Variants in AGAP1 observed in about 807,000 individuals in gnomAD.
AGAP1 encodes the protein arf-GAP with GTPase, ANK repeat and PH domain-containing protein 1.
A neutral mutation model predicts 105.3 loss-of-function variants in AGAP1; 29 were observed. The ratio of observed to expected loss-of-function variants is 0.28; its 90% CI spans 0.21 to 0.38. AGAP1 has a LOEUF of 0.38. Among genes scored for constraint, AGAP1 ranks in the 10% least tolerant of loss-of-function variants. The probability of loss-of-function intolerance (pLI) is 1.00; values close to 1 mark genes in which losing one functional copy is unlikely to be tolerated. For synonymous variants in AGAP1, 509 were observed against 485.9 expected (o/e 1.05, Z -0.63); for missense variants, 998 against 1,165.1 (o/e 0.86, Z 2.09).
rs778017372 is a variant in AGAP1 at position 235,719,885 on chromosome 2, A to G, written c.310+2241A>G. Among the ~76,000 whole-genome samples the G allele has an allele frequency of 9.9e-5, 15 of 152,204 alleles. No homozygotes were observed. Among genetic ancestry groups the G allele is most frequent in the Non-Finnish European group, 2.2e-4 (15 of 68,038 alleles). Reference sequence around the variant, plus strand: ...TCTAGGGCCCCTGGGTGCTGAAAGAATTATGAATACATGGCTCCTTGTGCC... The same window carrying G: ...TCTAGGGCCCCTGGGTGCTGAAAGAGTTATGAATACATGGCTCCTTGTGCC... On this transcript the variant is annotated intron_variant, in intron 3 of 17. Transcript: ENST00000304032. The surrounding 1 kb of genome is among the most constrained non-coding windows in gnomAD (Gnocchi z 4.9).
chr2:235,991,384 A>T (rs2055557805), intron 13 of AGAP1, among the ~76,000 whole-genome samples: 1 of 152,182 alleles, frequency 6.6e-6, no homozygotes, highest in African/African-American at 2.4e-5. Flanking sequence ...GGACAGTTTT[A>T]AAAAGTGGTC....
At chr2:235,858,909 A>G (rs2048797103) in intron 9 of AGAP1, among the ~76,000 whole-genome samples, 1 of 152,202 alleles carries the variant, frequency 6.6e-6, no homozygotes, top group Non-Finnish European at 1.5e-5. Flanking sequence ...AGTCTTTTCA[A>G]TTAGTTTTCA....
chr2:235,736,814 C>G lies in AGAP1; in HGVS notation c.311-4149C>G, dbSNP rs1221580927. On this transcript the variant is annotated intron_variant, in intron 3 of 17. Coordinates refer to ENST00000304032, the MANE Select transcript of AGAP1 (RefSeq NM_001037131.3). This position sits in a 1 kb window ranked among gnomAD's most constrained non-coding sequence, Gnocchi z 5.5. Reference sequence around the variant, plus strand: ...CATGTCCGTGCCACCGCACTCCAGCCTAGGCAACAGAGTGAGACTGTGTCT... The same window carrying G: ...CATGTCCGTGCCACCGCACTCCAGCGTAGGCAACAGAGTGAGACTGTGTCT... 6.6e-6 allele frequency among the ~76,000 whole-genome samples: 1 copy of G among 152,068 alleles called. No homozygotes were observed. The highest frequency in any genetic ancestry group is 1.9e-4 in the East Asian group (1 of 5,176).
intron 1 of AGAP1, among the ~76,000 whole-genome samples, chr2:235,695,289 A>G (rs1949944682): frequency 6.6e-6 from 1 of 152,158 alleles, no homozygotes; most frequent in Non-Finnish European, 1.5e-5. Context: ...CCATGAGTGC[A>G]CCTTTATTGC....
At chr2:235,762,719 A>C (rs1954555957) in intron 6 of AGAP1, among the ~76,000 whole-genome samples, 1 of 152,156 alleles carries the variant, frequency 6.6e-6, no homozygotes, top group Non-Finnish European at 1.5e-5. Flanking sequence ...AATACAAAAA[A>C]GAACTTAGCT....
At chr2:235,913,300 G>A (rs965350008) in intron 11 of AGAP1, among the ~76,000 whole-genome samples, 1 of 151,894 alleles carries the variant, frequency 6.6e-6, no homozygotes, top group Non-Finnish European at 1.5e-5. Context: ...ATATATATCT[G>A]TGTGTATGTG....
At chr2:236,029,441 ATTT>A (rs34156847) in intron 13 of AGAP1, among the ~76,000 whole-genome samples, 15 of 138,276 alleles carry the variant, frequency 1.1e-4, no homozygotes, top group African/African-American at 2.7e-4. Flanking sequence ...ACACCCAGCC[ATTT>A]TTTTTTTTTT....
chr2:235,648,945 C>G (rs773085166), intron 1 of AGAP1, among the ~76,000 whole-genome samples: 3 of 151,898 alleles, frequency 2.0e-5, no homozygotes, highest in Non-Finnish European at 4.4e-5. Flanking sequence ...AAGCAGGGAC[C>G]CCTCCCCTGT....
chr2:235,505,535 C>T (rs1941762559), intron 1 of AGAP1, among the ~76,000 whole-genome samples: 1 of 152,164 alleles, frequency 6.6e-6, no homozygotes, highest in South Asian at 2.1e-4. Flanking sequence ...TTTATCAAGC[C>T]TCTGCACTGG....
chr2:235,723,285 G>A lies in AGAP1; in HGVS notation c.310+5641G>A, dbSNP rs771941310. ...TTGGGTGTGTAATGTGACTTCCCTC[G>A]TGGTGTGTTTATGTGCTTAATATTC... On this transcript the variant is annotated intron_variant, in intron 3 of 17. Coordinates refer to ENST00000304032, the MANE Select transcript of AGAP1 (RefSeq NM_001037131.3). The surrounding 1 kb of genome is among the most constrained non-coding windows in gnomAD (Gnocchi z 6.2). Among the ~76,000 whole-genome samples the A allele has an allele frequency of 2.6e-5, 4 of 152,138 alleles. No homozygotes were observed. The highest frequency in any genetic ancestry group is 9.7e-5 in the African/African-American group (4 of 41,418).
intron 1 of AGAP1, among the ~76,000 whole-genome samples, chr2:235,538,193 G>A (rs1574798245): frequency 6.6e-6 from 1 of 152,126 alleles, no homozygotes; most frequent in East Asian, 1.9e-4. Context: ...ACTGTTTATG[G>A]TTGTACAAGT....
At chr2:235,969,781 G>T (rs1355448723) in intron 13 of AGAP1, among the ~76,000 whole-genome samples, 1 of 152,166 alleles carries the variant, frequency 6.6e-6, no homozygotes, top group Non-Finnish European at 1.5e-5. Flanking sequence ...TCATCATCAG[G>T]AAGCTGAAGT....
At chr2:235,558,942 A>G (rs1260202843) in intron 1 of AGAP1, among the ~76,000 whole-genome samples, 2 of 150,598 alleles carry the variant, frequency 1.3e-5, no homozygotes, top group Non-Finnish European at 3.0e-5. Context: ...TTTTTTTTTT[A>G]GATAGGGTCT....
At chr2:235,738,154 A>G (rs1952361334) in intron 3 of AGAP1, among the ~76,000 whole-genome samples, 1 of 152,146 alleles carries the variant, frequency 6.6e-6, no homozygotes, top group Non-Finnish European at 1.5e-5. Context: ...AAACTTGTGC[A>G]GAAACCTAGC....
chr2:236,076,679 G>A lies in AGAP1; in HGVS notation c.2114+27398G>A, dbSNP rs1362503486. 6.6e-6 allele frequency among the ~76,000 whole-genome samples: 1 copy of A among 152,060 alleles called. No homozygotes were observed. On this transcript the variant is annotated intron_variant, in intron 16 of 17. Coordinates refer to ENST00000304032, the MANE Select transcript of AGAP1 (RefSeq NM_001037131.3). The surrounding 1 kb of genome is among the most constrained non-coding windows in gnomAD (Gnocchi z 4.4). ...ACAAAATTACAGAGGCTTCTTTGTG[G>A]CACTTAATAATTTCCCAAACCACTA...
Position 235,546,699 on chromosome 2 carries a change from C to T in AGAP1, c.163+51850C>T, listed in dbSNP as rs151057993. ...GGCGATGGCTTGTCTTCTCACCGGC[C>T]GGTTTGGAGTCCAGAACCACATGAA... On this transcript the variant is annotated intron_variant, in intron 1 of 17. Coordinates refer to ENST00000304032, the MANE Select transcript of AGAP1 (RefSeq NM_001037131.3). 2.2e-4 allele frequency among the ~76,000 whole-genome samples: 33 copies of T among 152,214 alleles called. No homozygotes were observed. In the East Asian group the frequency reaches 4.6e-3, roughly 21 times the overall value.
rs1331379822 is a variant in AGAP1, at chr2:236,046,798, G to A, written c.1892-2261G>A. On this transcript the variant is annotated intron_variant, in intron 15 of 17. Transcript: ENST00000304032. The surrounding 1 kb of genome is among the most constrained non-coding windows in gnomAD (Gnocchi z 5.2). The stretch of plus-strand genomic sequence containing the variant: ...ATCACAACGGAGCAACCAGGAAAGT[G>A]GGGAAAAAATCCAGAGAGGTCGTTG... Among the ~76,000 whole-genome samples, 1 of 152,098 alleles carries A rather than the reference G, an allele frequency of 6.6e-6. No homozygotes were observed. The highest frequency in any genetic ancestry group is 1.5e-5 in the Non-Finnish European group (1 of 68,012).
In AGAP1 at chr2:235,635,314, G is replaced by A. The variant is rs141074815; in HGVS notation, c.164-73865G>A. Among the ~76,000 whole-genome samples the A allele has an allele frequency of 1.5e-3, 222 of 152,258 alleles. 2 individuals are homozygous for A. Among genetic ancestry groups the A allele is most frequent in the African/African-American group, 4.9e-3 (204 of 41,546 alleles). On this transcript the variant is annotated intron_variant, in intron 1 of 17. Coordinates refer to ENST00000304032, the MANE Select transcript of AGAP1 (RefSeq NM_001037131.3). This position sits in a 1 kb window ranked among gnomAD's most constrained non-coding sequence, Gnocchi z 5.3. Reference sequence around the variant, plus strand: ...ACTTAGCAGAGGATGAAGCACTCCCGTGAGTGAGCTGCGCACAGTCTCCTT... The same window carrying A: ...ACTTAGCAGAGGATGAAGCACTCCCATGAGTGAGCTGCGCACAGTCTCCTT...
Position 236,014,436 on chromosome 2 carries a change from C to T in AGAP1, c.1646-22125C>T, listed in dbSNP as rs371939477. Among the ~76,000 whole-genome samples the T allele has an allele frequency of 4.1e-4, 63 of 152,354 alleles. 2 individuals are homozygous for T. The South Asian group carries it at 0.013, about 31-fold the overall frequency. Reference sequence around the variant, plus strand: ...GAATCAAAGGGCTTGTGGCGACTGGCATCATAGCTCCTTCAAAGGGTGTCA... The same window carrying T: ...GAATCAAAGGGCTTGTGGCGACTGGTATCATAGCTCCTTCAAAGGGTGTCA... On this transcript the variant is annotated intron_variant, in intron 13 of 17. Transcript: ENST00000304032. This position sits in a 1 kb window ranked among gnomAD's most constrained non-coding sequence, Gnocchi z 6.3.
Sources: gnomAD v4.1 joint callset for allele counts (sites outside exome capture counted in the v4.1 genomes callset) on GRCh38, gnomAD v4.1.1 for gene constraint, Gnocchi (gnomAD v3.1) non-coding constraint, MANE v1.5 for transcripts, NCBI Gene and HGNC (gene_info 2026-07-23, HGNC 2026-07-21) for gene names.